The following SYNE1 variants were observed in gnomAD, a reference collection of about 807,000 sequenced individuals.
SYNE1 encodes spectrin repeat containing nuclear envelope protein 1, also known as nesprin-1.
SYNE1 carries 616 observed loss-of-function variants against 1,111.0 expected under a neutral mutation model. The ratio of observed to expected loss-of-function variants is 0.55; its 90% CI spans 0.52 to 0.59. The LOEUF (loss-of-function observed/expected upper bound fraction) is 0.59, where lower values mean the gene tolerates loss of function less well. Ranked by LOEUF, SYNE1 falls within the 20% of genes least tolerant of loss-of-function variation. The pLI, the probability that SYNE1 is intolerant of heterozygous loss-of-function variation, is 0.00. For synonymous variants in SYNE1, 3,855 were observed against 3,825.8 expected (o/e 1.01, Z -0.28); for missense variants, 10,006 against 10,417.0 (o/e 0.96, Z 1.72).
rs183555032 is a variant in SYNE1 at position 152,253,059 on chromosome 6, C to T, written c.19470+1821G>A. On this transcript the variant is annotated intron_variant, in intron 104 of 145. Coordinates refer to ENST00000367255, the MANE Select transcript of SYNE1 (RefSeq NM_182961.4). ...TGATCATCTTGGGGGCAGTAACTAT[C>T]AGGGAAGACTGCTAGATAGCAGTGC... Among the ~76,000 whole-genome samples, 14 of 152,256 alleles carry T rather than the reference C, an allele frequency of 9.2e-5. No individual in the cohort carries two copies. The East Asian group carries it at 2.5e-3, about 27-fold the overall frequency.
intron 127 of SYNE1, among the ~76,000 whole-genome samples, chr6:152,200,049 C>T (rs1251580894): frequency 6.6e-6 from 1 of 152,034 alleles, no homozygotes; most frequent in East Asian, 1.9e-4. Flanking sequence ...AAAGATTTTC[C>T]ACTTTTCACA....
At chr6:152,184,738 T>C (rs1314774884) in intron 128 of SYNE1, among the ~76,000 whole-genome samples, 2 of 152,090 alleles carry the variant, frequency 1.3e-5, no homozygotes, top group Non-Finnish European at 2.9e-5. Flanking sequence ...TTTCATTTTC[T>C]TACCACGGAG....
chr6:152,390,060 T>C (rs1460250454), intron 53 of SYNE1, among the ~76,000 whole-genome samples: 1 of 152,178 alleles, frequency 6.6e-6, no homozygotes, highest in Non-Finnish European at 1.5e-5. Flanking sequence ...TAGGTAGATT[T>C]AAATATTTAA....
intron 100 of SYNE1, among the ~76,000 whole-genome samples, chr6:152,265,864 A>G (rs1227426923): frequency 6.6e-6 from 1 of 152,194 alleles, no homozygotes; most frequent in Non-Finnish European, 1.5e-5. Context: ...CTTCCCACAG[A>G]GGTTTCCTCA....
chr6:152,221,494 T>C lies in SYNE1; in HGVS notation c.21588A>G (p.Gln7196=). ...CGGGTGGGTGACACTCTTTTAATAA[T>C]TGGTTGGTGATAGAGCCAAATTTCT... ...SLQKFGSITN[Q]LLKECHPPVT... Residue 7196 remains glutamine (Q), a synonymous_variant, in exon 118 of 146, where the codon CAA becomes CAG. Coordinates refer to ENST00000367255, the MANE Select transcript of SYNE1 (RefSeq NM_182961.4). The C allele has an allele frequency of 6.2e-7, 1 of 1,614,024 alleles. No individual in the cohort carries two copies. The highest frequency in any genetic ancestry group is 8.5e-7 in the Non-Finnish European group (1 of 1,179,966).
chr6:152,497,255 T>G (rs905505322), intron 11 of SYNE1, among the ~76,000 whole-genome samples: 1 of 152,208 alleles, frequency 6.6e-6, no homozygotes, highest in African/African-American at 2.4e-5. Context: ...GAATAAGCAA[T>G]AAGTTAGAAA....
intron 95 of SYNE1, among the ~76,000 whole-genome samples, chr6:152,284,377 C>T (rs913680556): frequency 6.6e-6 from 1 of 152,132 alleles, no homozygotes; most frequent in South Asian, 2.1e-4. Flanking sequence ...TATCACTAAC[C>T]AAAGTGAGTT....
At chr6:152,533,652 T>G (rs2099216984) in intron 4 of SYNE1, among the ~76,000 whole-genome samples, 1 of 152,102 alleles carries the variant, frequency 6.6e-6, no homozygotes, top group Non-Finnish European at 1.5e-5. Context: ...CTTATCTCCC[T>G]CCTTCTGCCC....
intron 10 of SYNE1, among the ~76,000 whole-genome samples, chr6:152,501,602 A>C (rs186182929): frequency 6.6e-6 from 1 of 152,148 alleles, no homozygotes; most frequent in African/African-American, 2.4e-5. Context: ...GGGCATGGTG[A>C]TGTGCAACTG....
intron 117 of SYNE1, 134 bp downstream of exon 117, chr6:152,224,360 A>T: frequency 1.1e-6 from 1 of 914,648 alleles, no homozygotes; most frequent in East Asian, 2.7e-5. Flanking sequence ...GGTAAAATTA[A>T]TTTTAAAGAT....
intron 130 of SYNE1, among the ~76,000 whole-genome samples, chr6:152,175,528 G>A (rs2066239125): frequency 6.6e-6 from 1 of 152,164 alleles, no homozygotes; most frequent in African/African-American, 2.4e-5. Flanking sequence ...TTGCCATGAA[G>A]AACATTTACT....
intron 24 of SYNE1, among the ~76,000 whole-genome samples, chr6:152,455,165 T>C (rs1043558150): frequency 6.6e-6 from 1 of 152,224 alleles, no homozygotes; most frequent in African/African-American, 2.4e-5. Flanking sequence ...AATGAATTAG[T>C]AATTTGGATA....
chr6:152,540,139 T>G (rs996510951), intron 3 of SYNE1, 118 bp from the exon 4 acceptor site: 1 of 1,004,994 alleles, frequency 1.0e-6, no homozygotes, highest in African/African-American at 1.6e-5. Flanking sequence ...TCATTCATTT[T>G]ACCAATTATT....
rs1344298286 is a variant in SYNE1, at chr6:152,396,935, C to T, written c.7396G>A (p.Val2466Met). Residue 2466 changes from valine (V) to methionine (M), a missense_variant, in exon 50 of 146, where the codon GTG becomes ATG. By Grantham distance (21) the Val-to-Met change is conservative. This residue lies in a region of SYNE1 where 4,955 missense variants were observed against 5,017.2 expected (regional missense o/e 0.99). Transcript: ENST00000367255. ...VSDGQSKLDA[V>M]TQEGQTLYAH... The stretch of plus-strand genomic sequence containing the variant: ...TACAAAGTTTGTCCTTCTTGAGTCA[C>T]TGCATCAAGTTTGCTCTGCCCATCA... 3 of 1,614,084 alleles carry T rather than the reference C, an allele frequency of 1.9e-6. No homozygotes were observed. Among genetic ancestry groups the T allele is most frequent in the African/African-American group, 2.7e-5 (2 of 74,938 alleles).
At chr6:152,345,140 C>T (rs1263299169) in intron 73 of SYNE1, among the ~76,000 whole-genome samples, 2 of 152,154 alleles carry the variant, frequency 1.3e-5, no homozygotes, top group African/African-American at 4.8e-5. Context: ...CTTTTGCAAA[C>T]TTTAATTATG....
At chr6:152,337,406 C>T (rs1343794423) in intron 75 of SYNE1, among the ~76,000 whole-genome samples, 1 of 152,156 alleles carries the variant, frequency 6.6e-6, no homozygotes, top group Non-Finnish European at 1.5e-5. Context: ...TCTCCTGCCT[C>T]AGCCTCCTGA....
chr6:152,337,828 T>A (rs1195213269), intron 75 of SYNE1, among the ~76,000 whole-genome samples: 1 of 152,184 alleles, frequency 6.6e-6, no homozygotes, highest in African/African-American at 2.4e-5. Flanking sequence ...GTAATTTGTT[T>A]CAATAAATCA....
rs754105605 is a variant in SYNE1 at position 152,334,102 on chromosome 6, C to T, written c.12700G>A (p.Glu4234Lys). 6.8e-6 allele frequency: 11 copies of T among 1,614,172 alleles called. No homozygotes were observed. The South Asian group carries it at 1.2e-4, about 18-fold the overall frequency. The change falls in exon 77 of 146, where the codon GAG becomes AAG. Residue 4234 changes from glutamate to lysine, a missense_variant. By Grantham distance (56) the Glu-to-Lys change is moderately conservative. Transcript: ENST00000367255. ...TAATCTCTTGTTCTCTGAAGATCCTCTTCCCTTTGCAAGCACAGGTTGTTA... is the reference window on the plus strand; with the variant it reads ...TAATCTCTTGTTCTCTGAAGATCCTTTTCCCTTTGCAAGCACAGGTTGTTA... ...QSNNLCLQRE[E>K]DLQRTRDYHD... is the part of the protein sequence containing the mutation.
At chr6:152,518,502 G>T (rs1044506632) in intron 6 of SYNE1, among the ~76,000 whole-genome samples, 2 of 151,968 alleles carry the variant, frequency 1.3e-5, no homozygotes, top group Non-Finnish European at 2.9e-5. Context: ...CTTCCGCCAT[G>T]ATTGTAAGCT....
Sources: gnomAD v4.1 joint callset for allele counts (sites outside exome capture counted in the v4.1 genomes callset) on GRCh38, gnomAD v4.1.1 for gene constraint, gnomAD v4.1.1 regional missense constraint, MANE v1.5 for transcripts, NCBI Gene and HGNC (gene_info 2026-07-23, HGNC 2026-07-21) for gene names.